The following NCOA3 variants were observed in gnomAD, a reference collection of about 807,000 sequenced individuals.
NCOA3 encodes CBP-interacting protein.
Under a neutral mutation model 158.8 loss-of-function variants are expected in NCOA3, and 51 were observed. That is an observed-to-expected ratio of 0.32 (90% CI 0.26 to 0.41). NCOA3 has a LOEUF of 0.41. Ranked by LOEUF, NCOA3 falls within the 10% of genes least tolerant of loss-of-function variation. The pLI is 1.00. For missense variants in NCOA3, 1,510 were observed against 1,746.6 expected (o/e 0.86, Z 2.41); for synonymous variants, 537 against 592.4 (o/e 0.91, Z 1.36).
rs749582388 is a variant in NCOA3, at chr20:47,621,654, A to ATTTTT, written c.-19-562_-19-558dup. 1.3e-4 allele frequency among the ~76,000 whole-genome samples: 16 copies of ATTTTT among 119,786 alleles called. 1 individual carries two copies. Among genetic ancestry groups the ATTTTT allele is most frequent in the African/African-American group, 4.8e-4 (14 of 29,406 alleles). 78.6% of individuals were successfully genotyped at this position (119,786 alleles called of 152,430 possible). The stretch of plus-strand genomic sequence containing the variant: ...AGCATACTATTTTTCCATCAGTCAA[A>ATTTTT]TTTTTTTTTTTTTTTTTGAGACGGA... On this transcript the variant is annotated intron_variant, in intron 2 of 22. Coordinates refer to ENST00000371998, the MANE Select transcript of NCOA3 (RefSeq NM_181659.3).
intron 8 of NCOA3, chr20:47,630,300 T>G (rs900410673): frequency 7.2e-5 from 11 of 152,172 alleles, no homozygotes; most frequent in Non-Finnish European, 1.5e-4. Flanking sequence ...TTTATTTCTG[T>G]CAGCTTATTC....
chr20:47,545,661 C>G lies in NCOA3; in HGVS notation c.-98-37522C>G, dbSNP rs553653708. ...TTTATTTGCTTTTTGTTTTTTTTGT[C>G]TTACTGCCTTGGTTTTCTTCTTTGG... On this transcript the variant is annotated intron_variant, in intron 1 of 22. Transcript: ENST00000371998. Among the ~76,000 whole-genome samples the G allele has an allele frequency of 4.1e-5, 6 of 144,956 alleles. 1 individual carries two copies. The South Asian group carries it at 1.3e-3, about 32-fold the overall frequency.
intron 2 of NCOA3, among the ~76,000 whole-genome samples, chr20:47,618,331 GTTA>G (rs2086173499): frequency 7.3e-6 from 1 of 137,200 alleles, no homozygotes; most frequent in Admixed American, 7.2e-5. Flanking sequence ...ATGATTTTAA[GTTA>G]TTATTTTCCC....
At chr20:47,584,234 G>T (rs1345015482) in intron 2 of NCOA3, among the ~76,000 whole-genome samples, 1 of 152,144 alleles carries the variant, frequency 6.6e-6, no homozygotes, top group African/African-American at 2.4e-5. Flanking sequence ...GTTTGAAGCT[G>T]CAGTGAGCTA....
At chr20:47,524,946 T>G (rs1045958634) in intron 1 of NCOA3, among the ~76,000 whole-genome samples, 4 of 152,084 alleles carry the variant, frequency 2.6e-5, no homozygotes, top group Admixed American at 6.5e-5. Flanking sequence ...TTTTCTTTTT[T>G]CTTTTTATTG....
intron 17 of NCOA3, among the ~76,000 whole-genome samples, chr20:47,644,906 C>T (rs6012232): frequency 0.26 from 39,418 of 151,564 alleles, 5,257 homozygotes; most frequent in Middle Eastern, 0.31. Flanking sequence ...CCATATTGGC[C>T]AGGCTGGTCT....
chr20:47,558,635 G>T (rs1165424513), intron 1 of NCOA3, among the ~76,000 whole-genome samples: 31 of 152,064 alleles, frequency 2.0e-4, no homozygotes, highest in Admixed American at 2.0e-3. Context: ...CTGCCAGATT[G>T]TCTAATGTCA....
chr20:47,503,884 A>G (rs1302086575), intron 1 of NCOA3, among the ~76,000 whole-genome samples: 1 of 152,128 alleles, frequency 6.6e-6, no homozygotes, highest in African/African-American at 2.4e-5. Flanking sequence ...CTGTGATCCT[A>G]AATTATAGGG....
intron 1 of NCOA3, among the ~76,000 whole-genome samples, chr20:47,574,069 A>C (rs1453729918): frequency 6.6e-6 from 1 of 152,178 alleles, no homozygotes; most frequent in Non-Finnish European, 1.5e-5. Context: ...GGGGAGCACA[A>C]CAGAGTGACA....
In NCOA3 at chr20:47,653,027, C is replaced by G. The variant is rs1281399412; in HGVS notation, c.4218C>G (p.Asn1406Lys). 6.2e-7 allele frequency: 1 copy of G among 1,614,112 alleles called. No homozygotes were observed. The highest frequency in any genetic ancestry group is 8.5e-7 in the Non-Finnish European group (1 of 1,180,046). ...GCAGTGGTCACATGGGACAGATGAACATGAACCCCATGCCCATGTCTGGCA... is the reference window on the plus strand; with the variant it reads ...GCAGTGGTCACATGGGACAGATGAAGATGAACCCCATGCCCATGTCTGGCA... ...NGSSGHMGQM[N>K]MNPMPMSGMP... Residue 1406 changes from asparagine (N) to lysine (K), a missense_variant, in exon 22 of 23, where the codon AAC (asparagine) becomes AAG (lysine). Transcript: ENST00000371998.
At chr20:47,601,159 G>A (rs368263338) in intron 2 of NCOA3, among the ~76,000 whole-genome samples, 9 of 152,220 alleles carry the variant, frequency 5.9e-5, no homozygotes, top group Admixed American at 3.3e-4. Context: ...GTAACACCAC[G>A]GTGGAGAAGA....
intron 1 of NCOA3, 121 bp downstream of exon 1, chr20:47,502,140 G>C (rs1017578999): frequency 2.5e-6 from 1 of 397,972 alleles, no homozygotes; most frequent in Non-Finnish European, 4.4e-6. Context: ...AAGGCACTGA[G>C]GGGCGCGCCG....
chr20:47,520,499 C>T (rs1209674508), intron 1 of NCOA3, among the ~76,000 whole-genome samples: 5 of 152,210 alleles, frequency 3.3e-5, no homozygotes, highest in African/African-American at 4.8e-5. Flanking sequence ...TTCCTTACTA[C>T]CGGAGGTTTG....
intron 16 of NCOA3, among the ~76,000 whole-genome samples, chr20:47,641,396 C>T (rs1449921634): frequency 8.4e-5 from 12 of 142,168 alleles, no homozygotes; most frequent in Admixed American, 2.9e-4. Flanking sequence ...GGTGCAATCT[C>T]GGCTCAAGGA....
chr20:47,647,003 T>C (rs1393299596), intron 17 of NCOA3, 70 bp from the exon 18 acceptor site: 2 of 1,456,986 alleles, frequency 1.4e-6, no homozygotes, highest in Non-Finnish European at 1.9e-6. Context: ...TTTTGCACTT[T>C]CTTTAGAGCA....
intron 1 of NCOA3, among the ~76,000 whole-genome samples, chr20:47,570,038 G>A (rs997483267): frequency 1.3e-5 from 2 of 151,788 alleles, no homozygotes; most frequent in Non-Finnish European, 2.9e-5. Flanking sequence ...AAAACCCTGC[G>A]GCTCCTTTAA....
At chr20:47,526,662 G>A (rs2084457266) in intron 1 of NCOA3, among the ~76,000 whole-genome samples, 5 of 152,382 alleles carry the variant, frequency 3.3e-5, no homozygotes. Context: ...TTGGCAAGCT[G>A]AGGCAGGAGA....
chr20:47,629,582 C>T (rs867229948), intron 8 of NCOA3, among the ~76,000 whole-genome samples: 21 of 152,142 alleles, frequency 1.4e-4, no homozygotes, highest in Admixed American at 3.3e-4. Context: ...CCGCCTGCCT[C>T]GGCCTCCCAA....
intron 17 of NCOA3, among the ~76,000 whole-genome samples, chr20:47,645,300 G>A (rs1394928667): frequency 6.6e-6 from 1 of 152,004 alleles, no homozygotes; most frequent in East Asian, 1.9e-4. Flanking sequence ...CAGGGAGGTA[G>A]TTGACCTCCT....
Sources: allele counts gnomAD v4.1 joint callset (sites outside exome capture counted in the v4.1 genomes callset), GRCh38; gene constraint gnomAD v4.1.1; transcripts MANE v1.5; gene names NCBI Gene and HGNC (gene_info 2026-07-23, HGNC 2026-07-21).